The following ZNF704 variants were observed in gnomAD, a reference collection of about 807,000 sequenced individuals.
ZNF704 encodes the protein zinc finger protein 704.
ZNF704 carries 10 observed loss-of-function variants against 44.7 expected under a neutral mutation model. The ratio of observed to expected loss-of-function variants is 0.22; its 90% confidence interval spans 0.14 to 0.38. ZNF704 has a LOEUF of 0.38. Ranked by LOEUF, ZNF704 falls within the 10% of genes least tolerant of loss-of-function variation. The pLI, the probability that ZNF704 is intolerant of heterozygous loss-of-function variation, is 1.00. For synonymous variants in ZNF704, 211 were observed against 207.6 expected (o/e 1.02, Z -0.14); for missense variants, 390 against 545.5 (o/e 0.71, Z 2.84).
At chr8:80,815,517 C>G (rs1267090239) in intron 2 of ZNF704, among the ~76,000 whole-genome samples, 1 of 152,178 alleles carries the variant, frequency 6.6e-6, no homozygotes, top group African/African-American at 2.4e-5. Context: ...CAATGCTTAA[C>G]TGTTGAATTA....
chr8:80,807,510 C>T (rs1243600701), intron 2 of ZNF704, among the ~76,000 whole-genome samples: 1 of 151,620 alleles, frequency 6.6e-6, no homozygotes, highest in Non-Finnish European at 1.5e-5. Flanking sequence ...TAAGTGGGTA[C>T]CCAATAAACA....
intron 6 of ZNF704, among the ~76,000 whole-genome samples, chr8:80,662,635 G>A (rs1453192016): frequency 6.6e-6 from 1 of 152,126 alleles, no homozygotes; most frequent in Non-Finnish European, 1.5e-5. Flanking sequence ...CTCTATAGGT[G>A]TAATTTTCTA....
chr8:80,699,837 C>T (rs1314818891), intron 2 of ZNF704, among the ~76,000 whole-genome samples: 2 of 126,008 alleles, frequency 1.6e-5, no homozygotes, highest in African/African-American at 3.5e-5. Flanking sequence ...CTCTCCCCAC[C>T]CACTCTGCCC....
chr8:80,770,638 C>T (rs774001047), intron 2 of ZNF704, among the ~76,000 whole-genome samples: 12 of 152,126 alleles, frequency 7.9e-5, no homozygotes, highest in Non-Finnish European at 1.8e-4. Flanking sequence ...ATATTTTTCC[C>T]ACTCTGCAGT....
intron 2 of ZNF704, among the ~76,000 whole-genome samples, chr8:80,714,825 G>T (rs1819047162): frequency 6.6e-6 from 1 of 152,154 alleles, no homozygotes; most frequent in Non-Finnish European, 1.5e-5. Flanking sequence ...GTAGGGCCAG[G>T]ATTGTGATCT....
rs552341758 is a variant in ZNF704, at chr8:80,665,165, T to G, written c.660-83A>C. 6 of 1,464,382 alleles carry G rather than the reference T, an allele frequency of 4.1e-6. No individual in the cohort carries two copies. The Admixed American group carries it at 9.2e-5, about 22-fold the overall frequency. The allele number at this position is 1,464,382 out of a possible 1,614,324, so 90.7% of individuals were successfully genotyped here. A position where few individuals can be genotyped will look rare whatever the true frequency, so the allele number is the denominator to read the frequency against. ...ATCTTGCACATGCATTTCCCCTCTG[T>G]CTGGAATGCTTTTCCTCCCTCTTGT... On this transcript the variant is annotated intron_variant, in intron 5 of 8. Coordinates refer to ENST00000327835, the MANE Select transcript of ZNF704 (RefSeq NM_001033723.3).
At chr8:80,752,634 C>T (rs1481889291) in intron 2 of ZNF704, among the ~76,000 whole-genome samples, 4 of 152,096 alleles carry the variant, frequency 2.6e-5, no homozygotes, top group Admixed American at 6.5e-5. Flanking sequence ...TTCCACCTCC[C>T]GGGTTCAAGT....
intron 2 of ZNF704, among the ~76,000 whole-genome samples, chr8:80,804,086 A>C (rs912470290): frequency 1.3e-5 from 2 of 152,184 alleles, no homozygotes; most frequent in African/African-American, 4.8e-5. Context: ...AAAAACCTCA[A>C]CATCACTGAT....
intron 5 of ZNF704, among the ~76,000 whole-genome samples, chr8:80,668,875 G>C (rs1340087225): frequency 1.3e-5 from 2 of 152,138 alleles, no homozygotes; most frequent in African/African-American, 4.8e-5. Context: ...GTGCATCAGA[G>C]AGCACAGGCC....
At position 80,637,299 on chromosome 8, in the gene ZNF704, T is replaced by C. The variant is rs1438345209; in HGVS notation, c.*4067A>G. 6.6e-6 allele frequency: 1 copy of C among 152,240 alleles called. No homozygotes were observed. Among genetic ancestry groups the C allele is most frequent in the Non-Finnish European group, 1.5e-5 (1 of 68,042 alleles). The allele number at this position is 152,240 out of a possible 1,614,324, so 9.4% of individuals were successfully genotyped here. Reference sequence around the variant, plus strand: ...AGGAGTCTCCAGACCTATTTTTGCATGCCCTTTATTTTTCCCTGAGGAAAT... The same window carrying C: ...AGGAGTCTCCAGACCTATTTTTGCACGCCCTTTATTTTTCCCTGAGGAAAT... On this transcript the variant is annotated 3_prime_UTR_variant, in exon 9 of 9. Coordinates refer to ENST00000327835, the MANE Select transcript of ZNF704 (RefSeq NM_001033723.3).
At chr8:80,722,148 G>A (rs1236842725) in intron 2 of ZNF704, among the ~76,000 whole-genome samples, 1 of 152,204 alleles carries the variant, frequency 6.6e-6, no homozygotes, top group Non-Finnish European at 1.5e-5. Flanking sequence ...GCTGAGGAAG[G>A]AGGATTGCCT....
chr8:80,760,386 G>A (rs1227091893), intron 2 of ZNF704, among the ~76,000 whole-genome samples: 5 of 152,058 alleles, frequency 3.3e-5, no homozygotes, highest in Admixed American at 6.6e-5. Context: ...GGCCGGGCAC[G>A]GTGGCTCACA....
At chr8:80,745,663 T>C (rs1183245012) in intron 2 of ZNF704, among the ~76,000 whole-genome samples, 5 of 152,232 alleles carry the variant, frequency 3.3e-5, no homozygotes, top group Non-Finnish European at 5.9e-5. Context: ...TTACTATATA[T>C]GAATGTGTCT....
intron 2 of ZNF704, among the ~76,000 whole-genome samples, chr8:80,724,679 G>C (rs903620510): frequency 3.3e-5 from 5 of 151,940 alleles, no homozygotes; most frequent in African/African-American, 9.7e-5. Flanking sequence ...CCTTATACCC[G>C]ACTGAACCCA....
intron 2 of ZNF704, among the ~76,000 whole-genome samples, chr8:80,751,479 G>A (rs998182075): frequency 6.6e-6 from 1 of 152,158 alleles, no homozygotes; most frequent in African/African-American, 2.4e-5. Flanking sequence ...TGTTTCAGGT[G>A]CTGCTATTTA....
chr8:80,744,571 C>A (rs993148207), intron 2 of ZNF704, among the ~76,000 whole-genome samples: 1 of 152,142 alleles, frequency 6.6e-6, no homozygotes, highest in Non-Finnish European at 1.5e-5. Flanking sequence ...ATCGTGTCAT[C>A]CCTGCTAAGT....
intron 2 of ZNF704, among the ~76,000 whole-genome samples, chr8:80,791,401 G>C (rs1485732731): frequency 3.3e-5 from 5 of 152,152 alleles, no homozygotes; most frequent in Admixed American, 6.5e-5. Context: ...AATCAAAGTA[G>C]GTGAAAAATA....
In ZNF704 at chr8:80,774,045, ATCT is replaced by A. The variant is rs1299097212; in HGVS notation, c.221+47326_221+47328del. Among the ~76,000 whole-genome samples the A allele has an allele frequency of 8.4e-5, 12 of 142,350 alleles. No homozygotes were observed. In the South Asian group the frequency reaches 1.5e-3, roughly 18 times the overall value. 93.4% of individuals were successfully genotyped at this position (142,350 alleles called of 152,430 possible). On this transcript the variant is annotated intron_variant, in intron 2 of 8. Transcript: ENST00000327835. ...TGATGAGATTCTGAATGTTATTTAA[ATCT>A]TCTTTTTTTTTTTTTTGGATACAGG...
chr8:80,713,057 G>A (rs1229202553), intron 2 of ZNF704, among the ~76,000 whole-genome samples: 4 of 151,730 alleles, frequency 2.6e-5, no homozygotes, highest in Non-Finnish European at 4.4e-5. Flanking sequence ...CACCATGCCC[G>A]GCTAATTTTT....
Sources: gnomAD v4.1 joint callset for allele counts (sites outside exome capture counted in the v4.1 genomes callset) on GRCh38, gnomAD v4.1.1 for gene constraint, MANE v1.5 for transcripts, NCBI Gene and HGNC (gene_info 2026-07-23, HGNC 2026-07-21) for gene names.